The following FOXO3 variants were observed in gnomAD, a reference collection of about 807,000 sequenced individuals.
FOXO3 encodes the protein forkhead box O3, also known as forkhead box protein O3.
FOXO3 carries 4 observed loss-of-function variants against 41.9 expected under a neutral mutation model. The ratio of observed to expected loss-of-function variants is 0.10; its 90% CI spans 0.05 to 0.22. FOXO3 has a LOEUF of 0.22. Ranked by LOEUF, FOXO3 falls within the 10% of genes least tolerant of loss-of-function variation. FOXO3 has a pLI of 1.00. For missense variants in FOXO3, 534 were observed against 906.8 expected, an observed-to-expected ratio of 0.59 and a Z score of 5.28; for synonymous variants, 318 against 389.3, an observed-to-expected ratio of 0.82 and a Z score of 2.16.
rs1770957508 is a variant in FOXO3, at chr6:108,683,728, A to G, written c.*3936A>G. The G allele has an allele frequency of 6.6e-6, 1 of 152,200 alleles. No individual in the cohort carries two copies. Among genetic ancestry groups the G allele is most frequent in the Admixed American group, 6.5e-5 (1 of 15,286 alleles). 9.4% of individuals were successfully genotyped at this position (152,200 alleles called of 1,614,324 possible). A position where few individuals can be genotyped will look rare whatever the true frequency, so the allele number is the denominator to read the frequency against. On this transcript the variant is annotated 3_prime_UTR_variant, in exon 3 of 3. Transcript: ENST00000406360. Reference sequence around the variant, plus strand: ...TGTTACTCATCCTCTCTGAAAGCAAAAAGGAAACCCTAACAGCTCTGAACT... The same window carrying G: ...TGTTACTCATCCTCTCTGAAAGCAAGAAGGAAACCCTAACAGCTCTGAACT...
At chr6:108,606,994 T>C (rs1199300227) in intron 1 of FOXO3, among the ~76,000 whole-genome samples, 2 of 152,208 alleles carry the variant, frequency 1.3e-5, no homozygotes, top group African/African-American at 4.8e-5. Context: ...ACCCTTGGGA[T>C]ATTAGGATAT....
At chr6:108,653,260 A>G (rs1162733336) in intron 1 of FOXO3, among the ~76,000 whole-genome samples, 1 of 152,152 alleles carries the variant, frequency 6.6e-6, no homozygotes, top group Non-Finnish European at 1.5e-5. Flanking sequence ...CCTTCCCATT[A>G]ATTCAATGGT....
chr6:108,567,291 C>T (rs537244912), intron 1 of FOXO3, among the ~76,000 whole-genome samples: 3 of 152,244 alleles, frequency 2.0e-5, no homozygotes, highest in South Asian at 2.1e-4. Context: ...GCAAAACCAC[C>T]GTACCATGGC....
chr6:108,679,107 G>A (rs1213213498), intron 2 of FOXO3, among the ~76,000 whole-genome samples: 3 of 151,936 alleles, frequency 2.0e-5, no homozygotes, highest in Admixed American at 6.6e-5. Context: ...TCCTGACCTC[G>A]TGATCTGCCC....
At chr6:108,566,658 C>T (rs1477298120) in intron 1 of FOXO3, among the ~76,000 whole-genome samples, 4 of 152,070 alleles carry the variant, frequency 2.6e-5, no homozygotes, top group Admixed American at 6.5e-5. Context: ...TCCAGATTCC[C>T]AGGGCTGGAG....
intron 2 of FOXO3, among the ~76,000 whole-genome samples, chr6:108,678,008 T>C (rs1356560859): frequency 6.6e-6 from 1 of 152,222 alleles, no homozygotes; most frequent in African/African-American, 2.4e-5. Flanking sequence ...CTTTTTATAC[T>C]TTATTGTCCC....
At chr6:108,568,236 C>A (rs998323227) in intron 1 of FOXO3, among the ~76,000 whole-genome samples, 3 of 148,068 alleles carry the variant, frequency 2.0e-5, no homozygotes, top group African/African-American at 7.5e-5. Flanking sequence ...TTTTTTAAAG[C>A]GTGTGTTCAT....
At chr6:108,585,417 G>A (rs2128361323) in intron 1 of FOXO3, among the ~76,000 whole-genome samples, 1 of 152,340 alleles carries the variant, frequency 6.6e-6, no homozygotes, top group Admixed American at 6.5e-5. Context: ...GGGAGCAGAG[G>A]TTTCCCACTT....
At chr6:108,601,015 CTT>C (rs962191693) in intron 1 of FOXO3, among the ~76,000 whole-genome samples, 1 of 149,592 alleles carries the variant, frequency 6.7e-6, no homozygotes, top group Non-Finnish European at 1.5e-5. Flanking sequence ...TTCCTATTGT[CTT>C]TTTTTTTTCT....
At chr6:108,563,672 C>T (rs1011590347) in intron 1 of FOXO3, among the ~76,000 whole-genome samples, 3 of 152,208 alleles carry the variant, frequency 2.0e-5, no homozygotes, top group African/African-American at 4.8e-5. Context: ...TTAGTTAAAA[C>T]GTTAACGTAG....
chr6:108,636,940 G>A (rs1778136695), intron 1 of FOXO3, among the ~76,000 whole-genome samples: 1 of 152,134 alleles, frequency 6.6e-6, no homozygotes, highest in Non-Finnish European at 1.5e-5. Flanking sequence ...AAATCCCCCT[G>A]TTCCGAATAA....
chr6:108,641,118 C>A (rs1351907858), intron 1 of FOXO3, among the ~76,000 whole-genome samples: 1 of 152,058 alleles, frequency 6.6e-6, no homozygotes, highest in Non-Finnish European at 1.5e-5. Context: ...CCATGTTGGC[C>A]AGGCTGGTCT....
chr6:108,594,942 G>T lies in FOXO3; in HGVS notation c.621+33113G>T, dbSNP rs141613172. Among the ~76,000 whole-genome samples, 15 of 152,312 alleles carry T rather than the reference G, an allele frequency of 9.8e-5. No individual in the cohort carries two copies. In the South Asian group the frequency reaches 1.7e-3, roughly 17 times the overall value. On this transcript the variant is annotated intron_variant, in intron 1 of 2. Transcript: ENST00000406360. ...TGTGCTTATGCAACCTTTTCAGCAC[G>T]TTGGTACCTACGTGTCAGGGACAAT...
At chr6:108,620,832 G>A (rs551781609) in intron 1 of FOXO3, among the ~76,000 whole-genome samples, 6 of 152,270 alleles carry the variant, frequency 3.9e-5, no homozygotes, top group African/African-American at 1.4e-4. Context: ...TTGATACAGA[G>A]CCTATACTGG....
At chr6:108,613,692 T>G (rs1046293633) in intron 1 of FOXO3, among the ~76,000 whole-genome samples, 7 of 152,286 alleles carry the variant, frequency 4.6e-5, no homozygotes, top group African/African-American at 1.7e-4. Flanking sequence ...TTGCTTCCAC[T>G]GACTTTTCCC....
intron 1 of FOXO3, among the ~76,000 whole-genome samples, chr6:108,595,302 G>T (rs757388750): frequency 2.6e-5 from 4 of 152,198 alleles, no homozygotes; most frequent in Non-Finnish European, 4.4e-5. Context: ...GAAGGAGGAG[G>T]TAGAGAGAAA....
chr6:108,663,744 A>T lies in FOXO3; in HGVS notation c.911A>T (p.Asp304Val), dbSNP rs761517037. ...ACGTCACGCAGCAGTGATGAGCTGGATGCGTGGACGGACTTCCGTTCACGC... is the reference window on the plus strand; with the variant it reads ...ACGTCACGCAGCAGTGATGAGCTGGTTGCGTGGACGGACTTCCGTTCACGC... ...SPTSRSSDELDAWTDFRSRTN... is the reference protein window; with the variant it reads ...SPTSRSSDELVAWTDFRSRTN... Residue 304 changes from aspartate to valine, a missense_variant, in exon 2 of 3, where the codon GAT becomes GTT. Around this residue, in one of 8 missense-constraint regions of FOXO3, gnomAD observed 185 missense variants for 224.9 expected, o/e 0.82. Transcript: ENST00000406360. 2 of 1,613,860 alleles carry T rather than the reference A, an allele frequency of 1.2e-6. No homozygotes were observed. Among genetic ancestry groups the T allele is most frequent in the Non-Finnish European group, 1.7e-6 (2 of 1,179,800 alleles).
At chr6:108,586,028 A>T (rs1253579703) in intron 1 of FOXO3, among the ~76,000 whole-genome samples, 1 of 152,204 alleles carries the variant, frequency 6.6e-6, no homozygotes. Context: ...TCTGAAATAG[A>T]CACAGACCTG....
At chr6:108,670,550 A>G (rs1300216922) in intron 2 of FOXO3, among the ~76,000 whole-genome samples, 1 of 152,074 alleles carries the variant, frequency 6.6e-6, no homozygotes, top group Admixed American at 6.5e-5. Context: ...GAGAAATTGC[A>G]TTATTTCCAA....
Sources: allele counts gnomAD v4.1 joint callset (sites outside exome capture counted in the v4.1 genomes callset), GRCh38; gene constraint gnomAD v4.1.1; regional missense constraint gnomAD v4.1.1; transcripts MANE v1.5; gene names NCBI Gene and HGNC (gene_info 2026-07-23, HGNC 2026-07-21).